DLGAP2: variants seen among roughly 807,000 people sequenced by gnomAD.
DLGAP2 encodes DLG associated protein 2, also known as disks large-associated protein 2.
DLGAP2 carries 26 observed loss-of-function variants against 100.3 expected under a neutral mutation model. That is an observed-to-expected ratio of 0.26 (90% CI 0.19 to 0.36). The LOEUF is 0.36. Ranked by LOEUF, DLGAP2 falls within the 10% of genes least tolerant of loss-of-function variation. The pLI is 1.00. For missense variants in DLGAP2, 1,858 were observed against 1,453.2 expected, an observed-to-expected ratio of 1.28 and a Z score of -4.53; for synonymous variants, 886 against 630.1, an observed-to-expected ratio of 1.41 and a Z score of -6.08.
intron 2 of DLGAP2, among the ~76,000 whole-genome samples, chr8:1,132,582 C>T (rs1346296529): frequency 6.6e-6 from 1 of 152,208 alleles, no homozygotes; most frequent in Non-Finnish European, 1.5e-5. Flanking sequence ...AGCTGGCATG[C>T]ACTCGCCCAA....
chr8:974,723 C>G (rs573130048), intron 2 of DLGAP2, among the ~76,000 whole-genome samples: 1 of 151,956 alleles, frequency 6.6e-6, no homozygotes, highest in Non-Finnish European at 1.5e-5. Flanking sequence ...TTCAACTTAT[C>G]AAAATTTTTG....
At chr8:918,346 T>G in intron 2 of DLGAP2, among the ~76,000 whole-genome samples, 1 of 152,236 alleles carries the variant, frequency 6.6e-6, no homozygotes, top group East Asian at 1.9e-4. Context: ...TAATTTGTTT[T>G]TAAGCCATTC....
At chr8:1,072,029 G>A (rs1307083938) in intron 2 of DLGAP2, among the ~76,000 whole-genome samples, 1 of 152,178 alleles carries the variant, frequency 6.6e-6, no homozygotes, top group Non-Finnish European at 1.5e-5. Flanking sequence ...AGGCAGAAAT[G>A]GCTGCAGACA....
intron 5 of DLGAP2, 137 bp downstream of exon 5, chr8:1,549,820 T>C (rs1428639144): frequency 3.9e-6 from 4 of 1,024,762 alleles, no homozygotes; most frequent in Non-Finnish European, 5.5e-6. Flanking sequence ...ACGGATATGT[T>C]CTGGGACAGC....
At chr8:1,314,963 G>GCAAGA in intron 3 of DLGAP2, among the ~76,000 whole-genome samples, 1 of 152,302 alleles carries the variant, frequency 6.6e-6, no homozygotes, top group Admixed American at 6.5e-5. Context: ...CTCTGAAAGG[G>GCAAGA]TGACCTATCC....
At chr8:1,655,398 G>C (rs1370701116) in intron 8 of DLGAP2, among the ~76,000 whole-genome samples, 3 of 152,200 alleles carry the variant, frequency 2.0e-5, no homozygotes, top group Non-Finnish European at 4.4e-5. Context: ...TTCTAATTAA[G>C]AGAGTGCAAT....
chr8:1,596,089 T>C (rs1170872515), intron 6 of DLGAP2, among the ~76,000 whole-genome samples: 2 of 148,290 alleles, frequency 1.3e-5, no homozygotes, highest in Non-Finnish European at 3.0e-5. Flanking sequence ...GTTCTCATCG[T>C]TCATCTCCCA....
Position 1,270,359 on chromosome 8 carries a change from G to A in DLGAP2, c.106+11476G>A, listed in dbSNP as rs190737394. On this transcript the variant is annotated intron_variant, in intron 3 of 14. Transcript: ENST00000637795. Reference sequence around the variant, plus strand: ...TAGAACCTGTGATGTGGGCAATGGGGAGAATGAATGTGACTTTTGATCGTC... The same window carrying A: ...TAGAACCTGTGATGTGGGCAATGGGAAGAATGAATGTGACTTTTGATCGTC... 6.6e-5 allele frequency among the ~76,000 whole-genome samples: 10 copies of A among 152,332 alleles called. No homozygotes were observed. In the East Asian group the frequency reaches 1.4e-3, roughly 21 times the overall value.
intron 3 of DLGAP2, among the ~76,000 whole-genome samples, chr8:1,317,693 A>G (rs1187563765): frequency 6.7e-4 from 83 of 123,964 alleles, no homozygotes; most frequent in African/African-American, 1.5e-3. Flanking sequence ...TCTCTCCAAC[A>G]GTGGTCTACA....
chr8:1,701,104 G>A (rs1799553659), intron 14 of DLGAP2, 84 bp from the exon 15 acceptor site: 4 of 1,317,272 alleles, frequency 3.0e-6, no homozygotes, highest in Non-Finnish European at 3.1e-6. Flanking sequence ...GAAGGGTCAG[G>A]CCAGGCCCCA....
intron 4 of DLGAP2, among the ~76,000 whole-genome samples, chr8:1,539,542 T>G (rs1801282440): frequency 6.6e-6 from 1 of 152,136 alleles, no homozygotes; most frequent in African/African-American, 2.4e-5. Flanking sequence ...TGGGGTGCAC[T>G]GAGCCTTGCC....
intron 2 of DLGAP2, among the ~76,000 whole-genome samples, chr8:1,178,449 C>G (rs1056092610): frequency 5.3e-5 from 8 of 152,150 alleles, no homozygotes; most frequent in Admixed American, 3.9e-4. Context: ...TGTTTCTGTC[C>G]TGCTTCTGCT....
At chr8:753,777 G>A (rs1169990450) in intron 1 of DLGAP2, 1 of 152,228 alleles carries the variant, frequency 6.6e-6, no homozygotes, top group Non-Finnish European at 1.5e-5. Context: ...CCAAGATAAT[G>A]AAATAGATAA....
At chr8:1,591,492 C>A (rs935396713) in intron 6 of DLGAP2, among the ~76,000 whole-genome samples, 3 of 151,904 alleles carry the variant, frequency 2.0e-5, no homozygotes, top group Non-Finnish European at 4.4e-5. Context: ...TCTTTTCTAA[C>A]ATGGAGAGAT....
chr8:1,501,355 T>C lies in DLGAP2; in HGVS notation c.107-11T>C, dbSNP rs1211850446. The C allele has an allele frequency of 6.5e-7, 1 of 1,535,866 alleles. No homozygotes were observed. The highest frequency in any genetic ancestry group is 8.7e-7 in the Non-Finnish European group (1 of 1,146,704). On this transcript the variant is annotated splice_polypyrimidine_tract_variant and intron_variant, in intron 3 of 14. Coordinates refer to ENST00000637795, the MANE Select transcript of DLGAP2 (RefSeq NM_001346810.2). ...ACGCATTAAAGAGTGACTTTGTTTC[T>C]GTCTTTGCAGAGGAAGAAGCTGGAG... is the stretch of plus-strand genomic sequence containing the variant.
intron 2 of DLGAP2, among the ~76,000 whole-genome samples, chr8:942,446 A>C (rs372202341): frequency 6.6e-6 from 1 of 152,284 alleles, no homozygotes; most frequent in East Asian, 1.9e-4. Flanking sequence ...CCTGGGATGT[A>C]CTTTTCCCAC....
chr8:1,683,944 A>ATATGTGTG (rs1799037863), intron 12 of DLGAP2, among the ~76,000 whole-genome samples: 1 of 60,654 alleles, frequency 1.6e-5, no homozygotes, highest in African/African-American at 7.8e-5. Flanking sequence ...ATGTGTATAT[A>ATATGTGTG]TATATGTGTG....
intron 10 of DLGAP2, among the ~76,000 whole-genome samples, chr8:1,675,771 CAT>C (rs1374711336): frequency 6.6e-6 from 1 of 151,820 alleles, no homozygotes; most frequent in African/African-American, 2.4e-5. Context: ...TGCCTGGAAT[CAT>C]ATCAATGGCT....
At position 1,242,951 on chromosome 8, in the gene DLGAP2, A is replaced by G. The variant is rs571497179; in HGVS notation, c.74-15900A>G. 4.6e-5 allele frequency among the ~76,000 whole-genome samples: 7 copies of G among 152,206 alleles called. No individual in the cohort carries two copies. In the East Asian group the frequency reaches 1.4e-3, roughly 29 times the overall value. On this transcript the variant is annotated intron_variant, in intron 2 of 14. Transcript: ENST00000637795. ...AGTGGATGGATTGATAGATGGATGG[A>G]TGGACAGAACTTTCTCTGATGACTC...
Sources: gnomAD v4.1 joint callset for allele counts (sites outside exome capture counted in the v4.1 genomes callset) on GRCh38, gnomAD v4.1.1 for gene constraint, MANE v1.5 for transcripts, NCBI Gene and HGNC (gene_info 2026-07-23, HGNC 2026-07-21) for gene names.